Variants in SLC4A2 observed in about 807,000 individuals in gnomAD.
SLC4A2 encodes anion exchange protein 2.
A neutral mutation model predicts 115.0 loss-of-function variants in SLC4A2; 36 were observed. The ratio of observed to expected loss-of-function variants is 0.31; its 90% CI spans 0.24 to 0.41. SLC4A2 has a LOEUF of 0.41. Ranked by LOEUF, SLC4A2 falls within the 10% of genes least tolerant of loss-of-function variation. The pLI, the probability that SLC4A2 is intolerant of heterozygous loss-of-function variation, is 1.00. For missense variants in SLC4A2, 1,252 were observed against 1,705.6 expected, an observed-to-expected ratio of 0.73 and a Z score of 4.68; for synonymous variants, 708 against 708.3, an observed-to-expected ratio of 1.00 and a Z score of 0.01.
intron 2 of SLC4A2, 152 bp from the exon 3 acceptor site, chr7:151,064,050 C>A: frequency 1.4e-6 from 1 of 695,792 alleles, no homozygotes; most frequent in Non-Finnish European, 2.4e-6. Context: ...ATTTAAGGGA[C>A]AGCTGCTGGG....
intron 1 of SLC4A2, chr7:151,061,209 C>G (rs1306690649): frequency 6.6e-6 from 1 of 151,784 alleles, no homozygotes; most frequent in Non-Finnish European, 1.5e-5. Context: ...ACATGCCCCT[C>G]CCCCATTATA....
rs573998641 is a variant in SLC4A2 at position 151,074,099 on chromosome 7, G to A, written c.2596G>A (p.Gly866Ser). 7.3e-5 allele frequency: 118 copies of A among 1,610,008 alleles called. 1 individual carries two copies. The South Asian group carries it at 1.1e-3, about 15-fold the overall frequency. ...CTCCAACAGCTCAGAGGTGGACGGC[G>A]GTGAGAACATGACATGGGCCGGGGC... ...SASNSSEVDG[G>S]ENMTWAGARP... The change falls in exon 17 of 23, where the codon GGT becomes AGT. Residue 866 changes from glycine to serine, a missense_variant. Gly to Ser is a moderately conservative substitution (Grantham distance 56). Coordinates refer to ENST00000413384, the MANE Select transcript of SLC4A2 (RefSeq NM_003040.4).
rs3834872 is a variant in SLC4A2, at chr7:151,060,143, CG to C, written c.-64+385del. 9.9e-3 allele frequency: 1,503 copies of C among 152,380 alleles called. 102 individuals carry two copies. In the East Asian group the frequency reaches 0.19, roughly 19 times the overall value. The allele number at this position is 152,380 out of a possible 1,614,324, so 9.4% of individuals were successfully genotyped here. A position where few individuals can be genotyped will look rare whatever the true frequency, so the allele number is the denominator to read the frequency against. Reference sequence around the variant, plus strand: ...CGGGGCGCCCAGACTGGGGGTTGCCCGGGGCCCCCATCCCCAATCTCCGGGT... The same window carrying C: ...CGGGGCGCCCAGACTGGGGGTTGCCCGGGCCCCCATCCCCAATCTCCGGGT... On this transcript the variant is annotated intron_variant, in intron 1 of 22. Transcript: ENST00000413384. This position sits in a 1 kb window ranked among gnomAD's most constrained non-coding sequence, Gnocchi z 5.9.
intron 2 of SLC4A2, chr7:151,062,851 C>G: frequency 2.2e-6 from 3 of 1,381,100 alleles, no homozygotes; most frequent in South Asian, 3.3e-5. Context: ...TTCTCTTATC[C>G]GGTGTTCTGC....
At chr7:151,061,747 T>C (rs1797053475) in intron 1 of SLC4A2, 178 bp from the exon 2 acceptor site, 1 of 543,212 alleles carries the variant, frequency 1.8e-6, no homozygotes, top group Non-Finnish European at 3.3e-6. Context: ...AGTCCTCTCC[T>C]GTCTCCTTGT....
Position 151,066,014 on chromosome 7 carries a change from C to T in SLC4A2, c.579-503C>T, listed in dbSNP as rs779301407. Among the ~76,000 whole-genome samples, 5 of 152,322 alleles carry T rather than the reference C, an allele frequency of 3.3e-5. No individual in the cohort carries two copies. In the South Asian group the frequency reaches 6.2e-4, roughly 19 times the overall value. On this transcript the variant is annotated intron_variant, in intron 5 of 22. Coordinates refer to ENST00000413384, the MANE Select transcript of SLC4A2 (RefSeq NM_003040.4). ...CCCAGGGCAGGAAGCTGTCTGCCAT[C>T]TCCAAGGCCCGGTGCCACGGACTTT...
intron 2 of SLC4A2, 99 bp from the exon 3 acceptor site, chr7:151,064,103 G>A (rs1050960091): frequency 1.1e-5 from 14 of 1,244,978 alleles, no homozygotes; most frequent in Non-Finnish European, 1.6e-5. Context: ...GCTGCTGGCG[G>A]GGGAGGGTTC....
At chr7:151,076,227 C>T (rs555867635) in intron 22 of SLC4A2, 41 bp downstream of exon 22, 2 of 1,605,996 alleles carry the variant, frequency 1.2e-6, no homozygotes, top group Admixed American at 1.7e-5. Context: ...CTCTTGCCTC[C>T]CTGTGGATCT....
intron 7 of SLC4A2, 21 bp from the exon 8 acceptor site, chr7:151,067,853 G>A: frequency 6.2e-7 from 1 of 1,610,454 alleles, no homozygotes; most frequent in Non-Finnish European, 8.5e-7. Context: ...ACCCTGAAAT[G>A]CCTTCTCTTC....
At chr7:151,064,399 G>A (rs747506889) in intron 3 of SLC4A2, 32 bp downstream of exon 3, 3 of 1,533,600 alleles carry the variant, frequency 2.0e-6, no homozygotes, top group Non-Finnish European at 1.8e-6. Flanking sequence ...GGGGAGGTGG[G>A]GGGATCAGGT....
rs373640777 is a variant in SLC4A2, at chr7:151,074,230, C to T, written c.2727C>T (p.Ala909=). The T allele has an allele frequency of 8.7e-6, 14 of 1,612,698 alleles. No individual in the cohort carries two copies. The highest frequency in any genetic ancestry group is 1.6e-4 in the Middle Eastern group (1 of 6,082). ...NTALLSLVLM[A]GTFFIAFFLR... is the part of the protein sequence containing the mutation. Reference sequence around the variant, plus strand: ...CCCTGCTGTCGCTGGTGCTCATGGCCGGCACCTTCTTCATCGCCTTCTTCC... The same window carrying T: ...CCCTGCTGTCGCTGGTGCTCATGGCTGGCACCTTCTTCATCGCCTTCTTCC... Residue 909 remains alanine, a synonymous_variant, in exon 17 of 23, where the codon GCC becomes GCT. Transcript: ENST00000413384.
At position 151,076,004 on chromosome 7, in the gene SLC4A2, GCC is replaced by G; in HGVS notation, c.3472-4_3472-3del. 1 of 1,573,638 alleles carries G rather than the reference GCC, an allele frequency of 6.4e-7. No individual in the cohort carries two copies. ...GAGGAAGCTGGGCTCACCTGTCTCC[GCC>G]CCCCAGGTCCGGACCCTCCGTATGC... is the stretch of plus-strand genomic sequence containing the variant. On this transcript the variant is annotated splice_region_variant and splice_polypyrimidine_tract_variant and intron_variant, in intron 21 of 22. Coordinates refer to ENST00000413384, the MANE Select transcript of SLC4A2 (RefSeq NM_003040.4).
At chr7:151,070,962 C>A in intron 12 of SLC4A2, 51 bp downstream of exon 12, 1 of 1,598,076 alleles carries the variant, frequency 6.3e-7, no homozygotes, top group Non-Finnish European at 8.5e-7. Context: ...CATCCTAGGC[C>A]AGTCTTGATC....
At chr7:151,068,755 A>G (rs1172652342) in intron 8 of SLC4A2, among the ~76,000 whole-genome samples, 1 of 151,912 alleles carries the variant, frequency 6.6e-6, no homozygotes, top group Admixed American at 6.6e-5. Context: ...CCTGGGCTCA[A>G]GTGATTTACC....
In SLC4A2 at chr7:151,066,545, G is replaced by A; in HGVS notation, c.607G>A (p.Ala203Thr). 6.5e-7 allele frequency: 1 copy of A among 1,535,474 alleles called. No homozygotes were observed. The highest frequency in any genetic ancestry group is 8.8e-7 in the Non-Finnish European group (1 of 1,141,068). ...CCAGGTGGAGGAGGCGGAGGCGGAG[G>A]CGGTGGCGGTGGCCAGTGGCACTGC... is the stretch of plus-strand genomic sequence containing the variant. The part of the protein sequence containing the change: ...GTQVEEAEAE[A>T]VAVASGTAGG... Residue 203 changes from alanine to threonine, a missense_variant, in exon 6 of 23, where the codon GCG becomes ACG. Transcript: ENST00000413384.
chr7:151,063,254 G>A (rs1448087859), intron 2 of SLC4A2: 2 of 1,179,546 alleles, frequency 1.7e-6, no homozygotes, highest in Middle Eastern at 3.0e-4. Flanking sequence ...CGGGCCGGGG[G>A]CCTGGGGGCT....
chr7:151,068,865 C>T (rs867133272), intron 8 of SLC4A2, among the ~76,000 whole-genome samples: 31 of 151,456 alleles, frequency 2.0e-4, no homozygotes, highest in South Asian at 1.7e-3. Flanking sequence ...AGCTGCTGGG[C>T]GCGGTGGCTC....
At chr7:151,063,757 C>A (rs553551934) in intron 2 of SLC4A2, among the ~76,000 whole-genome samples, 1 of 152,096 alleles carries the variant, frequency 6.6e-6, no homozygotes, top group African/African-American at 2.4e-5. Flanking sequence ...GAGACGGAGT[C>A]TCACTCTGTC....
rs766434286 is a variant in SLC4A2, at chr7:151,070,289, C to T, written c.1392C>T (p.His464=). The T allele has an allele frequency of 6.2e-6, 10 of 1,613,666 alleles. No individual in the cohort carries two copies. Among genetic ancestry groups the T allele is most frequent in the East Asian group, 4.5e-5 (2 of 44,876 alleles). ...HHGQGAESDP[H]VTEPLMGGVP... ...GTCAGGGGGCTGAGAGTGACCCCCA[C>T]GTCACCGAGCCTCTCATGGGAGGTG... The change falls in exon 10 of 23, where the codon CAC becomes CAT. Residue 464 remains histidine, a synonymous_variant. Transcript: ENST00000413384.
Sources: allele counts gnomAD v4.1 joint callset (sites outside exome capture counted in the v4.1 genomes callset), GRCh38; gene constraint gnomAD v4.1.1; non-coding constraint Gnocchi (gnomAD v3.1); transcripts MANE v1.5; gene names NCBI Gene and HGNC (gene_info 2026-07-23, HGNC 2026-07-21).